EPHA5: variants seen among roughly 807,000 people sequenced by gnomAD.
EPHA5 encodes ephrin type-A receptor 5.
EPHA5 carries 60 observed loss-of-function variants against 105.0 expected under a neutral mutation model. The ratio of observed to expected loss-of-function variants is 0.57; its 90% CI spans 0.46 to 0.71. The LOEUF (loss-of-function observed/expected upper bound fraction) is 0.71. Among genes scored for constraint, EPHA5 ranks in the 30% least tolerant of loss-of-function variants. The pLI, the probability that EPHA5 is intolerant of heterozygous loss-of-function variation, is 0.00. For synonymous variants in EPHA5, 513 were observed against 449.1 expected (o/e 1.14, Z -1.80); for missense variants, 1,218 against 1,274.7 (o/e 0.96, Z 0.68).
intron 5 of EPHA5, among the ~76,000 whole-genome samples, chr4:65,485,783 G>A (rs1162935818): frequency 6.6e-6 from 1 of 152,124 alleles, no homozygotes; most frequent in African/African-American, 2.4e-5. Context: ...AAAGAATGGT[G>A]CTTTGGCATG....
At chr4:65,453,841 C>G (rs1468486339) in intron 5 of EPHA5, among the ~76,000 whole-genome samples, 1 of 152,136 alleles carries the variant, frequency 6.6e-6, no homozygotes, top group Non-Finnish European at 1.5e-5. Flanking sequence ...TTCCCTCTTT[C>G]AAGTGTAGTT....
intron 5 of EPHA5, among the ~76,000 whole-genome samples, chr4:65,421,233 C>T (rs981523368): frequency 1.3e-5 from 2 of 152,126 alleles, no homozygotes; most frequent in East Asian, 3.9e-4. Context: ...ACTTATATAT[C>T]TGCTCTTTCG....
Position 65,322,790 on chromosome 4 carries a change from A to T in EPHA5, c.*1324T>A, listed in dbSNP as rs1719740945. 4.4e-6 allele frequency: 1 copy of T among 228,182 alleles called. No homozygotes were observed. Among genetic ancestry groups the T allele is most frequent in the Admixed American group, 5.7e-5 (1 of 17,532 alleles). The allele number at this position is 228,182 out of a possible 1,614,324, so 14.1% of individuals were successfully genotyped here. A position where few individuals can be genotyped will look rare whatever the true frequency, so the allele number is the denominator to read the frequency against. On this transcript the variant is annotated 3_prime_UTR_variant, in exon 17 of 17. Coordinates refer to ENST00000613740, the MANE Select transcript of EPHA5 (RefSeq NM_001281766.3). Reference sequence around the variant, plus strand: ...TAAAAATAAAACTTATCAATTATTGAAATAAAATTCTGAAGGGAAATAAGC... The same window carrying T: ...TAAAAATAAAACTTATCAATTATTGTAATAAAATTCTGAAGGGAAATAAGC...
At chr4:65,479,722 G>A (rs1481496501) in intron 5 of EPHA5, among the ~76,000 whole-genome samples, 2 of 151,970 alleles carry the variant, frequency 1.3e-5, no homozygotes, top group African/African-American at 4.8e-5. Context: ...AGTGAACATG[G>A]ATATATGATG....
At chr4:65,584,061 T>C (rs1741895726) in intron 3 of EPHA5, among the ~76,000 whole-genome samples, 1 of 151,724 alleles carries the variant, frequency 6.6e-6, no homozygotes, top group Non-Finnish European at 1.5e-5. Context: ...CTTTAACACA[T>C]GATCAATTCT....
chr4:65,419,622 A>C (rs1422381440), intron 6 of EPHA5, among the ~76,000 whole-genome samples: 3 of 152,142 alleles, frequency 2.0e-5, no homozygotes, highest in Non-Finnish European at 4.4e-5. Context: ...AGGTTGTCCT[A>C]AGGTGCGTAT....
At chr4:65,440,836 G>A (rs996583605) in intron 5 of EPHA5, among the ~76,000 whole-genome samples, 3 of 152,014 alleles carry the variant, frequency 2.0e-5, no homozygotes, top group Non-Finnish European at 4.4e-5. Flanking sequence ...ATCTCCCTAT[G>A]GGTGTCTTCA....
intron 2 of EPHA5, among the ~76,000 whole-genome samples, chr4:65,618,991 T>C (rs187988861): frequency 3.3e-5 from 5 of 152,004 alleles, no homozygotes; most frequent in African/African-American, 4.8e-5. Context: ...CCCGTCTCTA[T>C]AGAAAACACA....
intron 5 of EPHA5, among the ~76,000 whole-genome samples, chr4:65,484,854 A>T (rs1308460998): frequency 7.2e-6 from 1 of 138,796 alleles, no homozygotes; most frequent in Non-Finnish European, 1.5e-5. Flanking sequence ...AACTGTTTTT[A>T]ACAGAATTTC....
At chr4:65,585,963 T>G (rs2149405747) in intron 3 of EPHA5, among the ~76,000 whole-genome samples, 1 of 151,648 alleles carries the variant, frequency 6.6e-6, no homozygotes, top group East Asian at 1.9e-4. Context: ...ATACAAAAGT[T>G]ATCATTTCTG....
chr4:65,508,331 A>G (rs1364853561), intron 3 of EPHA5, among the ~76,000 whole-genome samples: 1 of 152,136 alleles, frequency 6.6e-6, no homozygotes, highest in Admixed American at 6.6e-5. Flanking sequence ...TTGAGTGAGT[A>G]TGTTGTGGTT....
chr4:65,653,070 T>C (rs568277691), intron 1 of EPHA5, among the ~76,000 whole-genome samples: 11 of 152,176 alleles, frequency 7.2e-5, no homozygotes, highest in African/African-American at 2.4e-4. Flanking sequence ...CTTACCTTAG[T>C]TCTTAATTAC....
At chr4:65,367,283 GC>G in intron 9 of EPHA5, 73 bp downstream of exon 9, 1 of 1,260,368 alleles carries the variant, frequency 7.9e-7, no homozygotes, top group African/African-American at 1.5e-5. Context: ...AAATCTTGTA[GC>G]CTGAAAAGAA....
At chr4:65,606,739 T>C (rs1744264309) in intron 2 of EPHA5, among the ~76,000 whole-genome samples, 2 of 152,214 alleles carry the variant, frequency 1.3e-5, no homozygotes, top group South Asian at 2.1e-4. Flanking sequence ...TTCACCATTC[T>C]GTGTAAATCA....
intron 1 of EPHA5, among the ~76,000 whole-genome samples, chr4:65,658,489 C>T (rs1265086357): frequency 6.6e-6 from 1 of 152,098 alleles, no homozygotes; most frequent in Non-Finnish European, 1.5e-5. Flanking sequence ...AGACAGTACT[C>T]ACTGACTAAT....
At chr4:65,528,734 A>G (rs1735477483) in intron 3 of EPHA5, among the ~76,000 whole-genome samples, 1 of 152,136 alleles carries the variant, frequency 6.6e-6, no homozygotes, top group Non-Finnish European at 1.5e-5. Context: ...ACATTCTGCC[A>G]TTCCTAGGAA....
chr4:65,616,746 T>C (rs1745275427), intron 2 of EPHA5, among the ~76,000 whole-genome samples: 1 of 152,044 alleles, frequency 6.6e-6, no homozygotes, highest in African/African-American at 2.4e-5. Context: ...CAAATTCTAC[T>C]CTGCATTTAT....
intron 3 of EPHA5, among the ~76,000 whole-genome samples, chr4:65,527,203 T>A (rs1735318738): frequency 6.6e-6 from 1 of 152,140 alleles, no homozygotes; most frequent in East Asian, 1.9e-4. Context: ...TATATTAAAA[T>A]GCTTATTGTG....
chr4:65,438,921 T>G (rs1578119570), intron 5 of EPHA5, among the ~76,000 whole-genome samples: 1 of 152,224 alleles, frequency 6.6e-6, no homozygotes, highest in East Asian at 1.9e-4. Flanking sequence ...GTGAATAAAA[T>G]ATAAGGGTTG....
Sources: gnomAD v4.1 joint callset for allele counts (sites outside exome capture counted in the v4.1 genomes callset) on GRCh38, gnomAD v4.1.1 for gene constraint, MANE v1.5 for transcripts, NCBI Gene and HGNC (gene_info 2026-07-23, HGNC 2026-07-21) for gene names.